The following PARN variants were observed in gnomAD, a reference collection of about 807,000 sequenced individuals.
The protein encoded by PARN is poly(A)-specific ribonuclease, also known as poly(A)-specific ribonuclease PARN.
Under a neutral mutation model 102.8 loss-of-function variants are expected in PARN, and 71 were observed. The ratio of observed to expected loss-of-function variants is 0.69; its 90% CI spans 0.57 to 0.84. The LOEUF is 0.84. PARN is among the 40% of genes least tolerant of loss of function. The pLI is 0.00. For missense variants in PARN, 782 were observed against 760.9 expected (o/e 1.03, Z -0.33); for synonymous variants, 261 against 252.9 (o/e 1.03, Z -0.30).
intron 5 of PARN, among the ~76,000 whole-genome samples, chr16:14,619,409 C>A (rs1972143128): frequency 6.6e-6 from 1 of 150,846 alleles, no homozygotes; most frequent in African/African-American, 2.4e-5. Context: ...TGTGACCAGC[C>A]TGGGCAACAT....
At chr16:14,542,513 T>C (rs1567365745) in intron 21 of PARN, among the ~76,000 whole-genome samples, 1 of 150,664 alleles carries the variant, frequency 6.6e-6, no homozygotes, top group Non-Finnish European at 1.5e-5. Flanking sequence ...CTATTATAAC[T>C]ATGTTCAATG....
chr16:14,603,877 A>T (rs912351854), intron 11 of PARN, among the ~76,000 whole-genome samples: 14 of 152,340 alleles, frequency 9.2e-5, no homozygotes, highest in African/African-American at 3.1e-4. Context: ...TCAGTGACAC[A>T]AGCTAAATGA....
intron 12 of PARN, among the ~76,000 whole-genome samples, chr16:14,597,961 T>A (rs558917537): frequency 6.6e-6 from 1 of 151,870 alleles, no homozygotes; most frequent in Non-Finnish European, 1.5e-5. Context: ...CTGGCCAACA[T>A]GGTGAAAGCC....
chr16:14,453,209 C>T (rs1457664400), intron 22 of PARN, among the ~76,000 whole-genome samples: 1 of 152,166 alleles, frequency 6.6e-6, no homozygotes, highest in African/African-American at 2.4e-5. Flanking sequence ...ATGTCACAGA[C>T]ACAACTTGGT....
At chr16:14,552,210 C>T (rs1967350172) in intron 20 of PARN, 115 bp from the exon 21 acceptor site, 1 of 668,438 alleles carries the variant, frequency 1.5e-6, no homozygotes, top group East Asian at 2.7e-5. Context: ...AGAGAAGGTG[C>T]TTATTTAAAA....
chr16:14,482,815 C>T lies in PARN; in HGVS notation c.1493G>A (p.Ser498Asn), dbSNP rs200471459. The T allele has an allele frequency of 2.4e-4, 385 of 1,607,202 alleles. 1 individual carries two copies. Among genetic ancestry groups the T allele is most frequent in the South Asian group, 5.4e-4 (48 of 89,296 alleles). Residue 498 changes from serine (S) to asparagine (N), a missense_variant, in exon 22 of 24, where the codon AGC becomes AAC. Ser to Asn is a conservative substitution (Grantham distance 46). Coordinates refer to ENST00000437198, the MANE Select transcript of PARN (RefSeq NM_002582.4). ...PEQVKIAVNT[S>N]KYAESYRIQT... Reference sequence around the variant, plus strand: ...GATCCGATAGCTTTCTGCATATTTGCTGGTATTGACAGCTACAAGGAAAAG... The same window carrying T: ...GATCCGATAGCTTTCTGCATATTTGTTGGTATTGACAGCTACAAGGAAAAG...
intron 13 of PARN, among the ~76,000 whole-genome samples, chr16:14,590,258 GGT>G (rs1970105402): frequency 7.9e-6 from 1 of 126,324 alleles, no homozygotes; most frequent in Non-Finnish European, 1.7e-5. Context: ...AAAAAAAAAA[GGT>G]AGGAAAGAGA....
chr16:14,537,101 C>G (rs184393923), intron 21 of PARN, among the ~76,000 whole-genome samples: 4 of 152,188 alleles, frequency 2.6e-5, no homozygotes, highest in Non-Finnish European at 5.9e-5. Context: ...GCAAAGAACC[C>G]ACATGATCCA....
At chr16:14,479,297 C>T (rs1426761100) in intron 22 of PARN, among the ~76,000 whole-genome samples, 2 of 151,852 alleles carry the variant, frequency 1.3e-5, no homozygotes. Flanking sequence ...TTGCAAGTGG[C>T]TGTAGTCCCA....
intron 21 of PARN, among the ~76,000 whole-genome samples, chr16:14,540,264 A>G (rs1356687390): frequency 6.6e-6 from 1 of 152,218 alleles, no homozygotes; most frequent in Non-Finnish European, 1.5e-5. Flanking sequence ...ACTACTGTAA[A>G]CGAATTCTAC....
At chr16:14,505,377 T>C (rs887870668) in intron 21 of PARN, among the ~76,000 whole-genome samples, 5 of 152,210 alleles carry the variant, frequency 3.3e-5, no homozygotes, top group African/African-American at 1.2e-4. Context: ...CTCCAGAGGC[T>C]GAGGTGGGAG....
intron 21 of PARN, among the ~76,000 whole-genome samples, chr16:14,550,945 C>T (rs1326633646): frequency 6.6e-6 from 1 of 151,822 alleles, no homozygotes; most frequent in Non-Finnish European, 1.5e-5. Context: ...AGACGGGGTG[C>T]TCCATCTTTT....
intron 21 of PARN, among the ~76,000 whole-genome samples, chr16:14,524,720 T>C (rs760636402): frequency 1.2e-4 from 19 of 152,206 alleles, no homozygotes; most frequent in Non-Finnish European, 7.3e-5. Flanking sequence ...AGTAATCAAC[T>C]GCCTGTAAAA....
chr16:14,575,373 G>C (rs1277510026), intron 18 of PARN, among the ~76,000 whole-genome samples: 2 of 152,214 alleles, frequency 1.3e-5, no homozygotes, highest in African/African-American at 4.8e-5. Context: ...CACAGGAGCA[G>C]AGCTGCCCAA....
chr16:14,501,300 T>A (rs61023496), intron 21 of PARN, among the ~76,000 whole-genome samples: 8,484 of 99,648 alleles, frequency 0.085, 636 homozygotes, highest in African/African-American at 0.21. Context: ...AAAACAATAA[T>A]AATAATAATA....
chr16:14,479,632 G>A (rs1252623364), intron 22 of PARN, among the ~76,000 whole-genome samples: 1 of 152,058 alleles, frequency 6.6e-6, no homozygotes, highest in East Asian at 1.9e-4. Flanking sequence ...TAAACCAACA[G>A]TAATAAGATA....
chr16:14,517,562 A>G (rs1965519369), intron 21 of PARN, among the ~76,000 whole-genome samples: 2 of 152,258 alleles, frequency 1.3e-5, no homozygotes, highest in African/African-American at 4.8e-5. Flanking sequence ...CGAGGAGGAC[A>G]TCTGAAAAAT....
At chr16:14,554,988 T>C (rs1265776377) in intron 19 of PARN, among the ~76,000 whole-genome samples, 1 of 152,156 alleles carries the variant, frequency 6.6e-6, no homozygotes, top group Non-Finnish European at 1.5e-5. Context: ...GACTATAAAC[T>C]GGGAATGGCA....
chr16:14,624,319 G>A (rs1972506560), intron 5 of PARN, among the ~76,000 whole-genome samples: 1 of 152,140 alleles, frequency 6.6e-6, no homozygotes, highest in East Asian at 1.9e-4. Context: ...CCTTAAATGA[G>A]AGACCAAAGA....
Sources: allele counts gnomAD v4.1 joint callset (sites outside exome capture counted in the v4.1 genomes callset), GRCh38; gene constraint gnomAD v4.1.1; transcripts MANE v1.5; gene names NCBI Gene and HGNC (gene_info 2026-07-23, HGNC 2026-07-21).